Variants in LRP1B observed in about 807,000 individuals in gnomAD.
The protein encoded by LRP1B is low-density lipoprotein receptor-related protein 1B.
Under a neutral mutation model 556.6 loss-of-function variants are expected in LRP1B, and 217 were observed. The ratio of observed to expected loss-of-function variants is 0.39; its 90% confidence interval spans 0.35 to 0.44. The LOEUF is 0.44. LRP1B is among the 20% of genes least tolerant of loss of function. The probability of loss-of-function intolerance (pLI) is 1.00; values close to 1 mark genes in which losing one functional copy is unlikely to be tolerated. For missense variants in LRP1B, 5,053 were observed against 5,620.8 expected (o/e 0.90, Z 3.23); for synonymous variants, 2,047 against 1,865.8 (o/e 1.10, Z -2.50).
chr2:140,329,414 G>GAAAT (rs1181302813), intron 79 of LRP1B, among the ~76,000 whole-genome samples: 1 of 152,040 alleles, frequency 6.6e-6, no homozygotes, highest in African/African-American at 2.4e-5. Flanking sequence ...GCAAGAGAAA[G>GAAAT]AAATAAAGTG....
rs559668084 is a variant in LRP1B at position 141,306,535 on chromosome 2, C to T, written c.344-51894G>A. Among the ~76,000 whole-genome samples, 4 of 152,136 alleles carry T rather than the reference C, an allele frequency of 2.6e-5. No homozygotes were observed. The South Asian group carries it at 8.3e-4, about 32-fold the overall frequency. On this transcript the variant is annotated intron_variant, in intron 3 of 90. Transcript: ENST00000389484. ...GTCTTCCCTCTTTTTCTTCATTAGA[C>T]TAGTTAGCAGTTTATCAATTTTGCT...
At position 141,144,180 on chromosome 2, in the gene LRP1B, C is replaced by T. The variant is rs180723698; in HGVS notation, c.1013+44241G>A. ...GAGAAAAGAAAGAAAGAAATTCAAC[C>T]TTACCTTAGAGTTAATAGTATTTTA... On this transcript the variant is annotated intron_variant, in intron 7 of 90. Transcript: ENST00000389484. Among the ~76,000 whole-genome samples the T allele has an allele frequency of 7.2e-4, 109 of 152,234 alleles. 1 individual carries two copies. The highest frequency in any genetic ancestry group is 1.2e-3 in the Non-Finnish European group (81 of 68,026).
At chr2:141,791,000 A>G (rs56280101) in intron 2 of LRP1B, among the ~76,000 whole-genome samples, 26,111 of 151,882 alleles carry the variant, frequency 0.17, 2,526 homozygotes, top group African/African-American at 0.24. Flanking sequence ...AATTTTCTGA[A>G]CCCCATCTTT....
At chr2:141,839,411 T>A (rs1697392510) in intron 1 of LRP1B, among the ~76,000 whole-genome samples, 1 of 152,236 alleles carries the variant, frequency 6.6e-6, no homozygotes. Flanking sequence ...ATATTTTAAA[T>A]GCTACCCAAA....
chr2:140,751,956 G>A (rs952572035), intron 35 of LRP1B, among the ~76,000 whole-genome samples: 5 of 152,178 alleles, frequency 3.3e-5, no homozygotes, highest in African/African-American at 1.2e-4. Flanking sequence ...AACAGGTGGA[G>A]AGCTTTATTA....
intron 7 of LRP1B, among the ~76,000 whole-genome samples, chr2:141,121,486 A>G (rs1701046823): frequency 6.6e-6 from 1 of 152,032 alleles, no homozygotes; most frequent in Admixed American, 6.6e-5. Flanking sequence ...TCATGAGTGA[A>G]CTCCCATTCA....
At chr2:141,576,334 C>T (rs1353410318) in intron 2 of LRP1B, among the ~76,000 whole-genome samples, 1 of 152,120 alleles carries the variant, frequency 6.6e-6, no homozygotes, top group Non-Finnish European at 1.5e-5. Context: ...ATAAGTAACA[C>T]ATAAGTTTCT....
At chr2:141,754,872 A>T (rs1024283739) in intron 2 of LRP1B, among the ~76,000 whole-genome samples, 1 of 152,158 alleles carries the variant, frequency 6.6e-6, no homozygotes, top group Non-Finnish European at 1.5e-5. Flanking sequence ...GAGGTGTTTG[A>T]TTCCAATTTT....
At chr2:141,593,361 A>G (rs925082043) in intron 2 of LRP1B, among the ~76,000 whole-genome samples, 6 of 152,228 alleles carry the variant, frequency 3.9e-5, no homozygotes, top group Non-Finnish European at 7.3e-5. Context: ...TGTTGTTAGC[A>G]AGAAATGTGT....
At chr2:141,388,263 C>A (rs1438105701) in intron 3 of LRP1B, among the ~76,000 whole-genome samples, 1 of 151,982 alleles carries the variant, frequency 6.6e-6, no homozygotes, top group Non-Finnish European at 1.5e-5. Flanking sequence ...AGATGAAACC[C>A]CACCTCTACT....
Position 141,296,991 on chromosome 2 carries a change from A to C in LRP1B, c.344-42350T>G, listed in dbSNP as rs182295051. Among the ~76,000 whole-genome samples the C allele has an allele frequency of 2.4e-3, 366 of 152,284 alleles. 1 individual carries two copies. The highest frequency in any genetic ancestry group is 5.0e-3 in the Admixed American group (76 of 15,276). ...TACGTTCCAGCATTAATTTCCTTAG[A>C]ATAATGGACTCCAGCTGCATCCATG... On this transcript the variant is annotated intron_variant, in intron 3 of 90. Transcript: ENST00000389484.
chr2:141,867,616 G>A (rs962618771), intron 1 of LRP1B, among the ~76,000 whole-genome samples: 3 of 152,030 alleles, frequency 2.0e-5, no homozygotes, highest in South Asian at 2.1e-4. Flanking sequence ...TTTTATCAGC[G>A]TTATGCTTAC....
At chr2:141,822,130 C>CACAGAGAGAGAGAGAG (rs374369026) in intron 1 of LRP1B, among the ~76,000 whole-genome samples, 18 of 95,900 alleles carry the variant, frequency 1.9e-4, no homozygotes, top group African/African-American at 7.6e-4. Context: ...CACACACACA[C>CACAGAGAGAGAGAGAG]AGAGAGAGAG....
chr2:141,869,231 A>C (rs1698506497), intron 1 of LRP1B, among the ~76,000 whole-genome samples: 1 of 152,074 alleles, frequency 6.6e-6, no homozygotes. Context: ...GCTATTGAGC[A>C]GCTGAAATAT....
chr2:140,733,065 C>T (rs575049320), intron 35 of LRP1B, among the ~76,000 whole-genome samples: 2 of 152,108 alleles, frequency 1.3e-5, no homozygotes, highest in African/African-American at 4.8e-5. Flanking sequence ...GAGCTATAAG[C>T]CTCATAGATC....
chr2:141,216,655 G>T (rs971926653), intron 6 of LRP1B, among the ~76,000 whole-genome samples: 3 of 152,198 alleles, frequency 2.0e-5, no homozygotes, highest in Non-Finnish European at 4.4e-5. Context: ...AGGCAGAGCT[G>T]TGCAAGGCTT....
chr2:140,274,714 CA>C, intron 84 of LRP1B, 116 bp from the exon 85 acceptor site: 1 of 776,920 alleles, frequency 1.3e-6, no homozygotes, highest in Non-Finnish European at 2.0e-6. Flanking sequence ...GATTAATTTA[CA>C]AAAGCAGCTT....
chr2:141,750,787 C>T (rs546543474), intron 2 of LRP1B, among the ~76,000 whole-genome samples: 22 of 151,998 alleles, frequency 1.4e-4, no homozygotes, highest in African/African-American at 5.3e-4. Context: ...TATCTATATT[C>T]TTTATAGAAA....
intron 41 of LRP1B, among the ~76,000 whole-genome samples, chr2:140,637,576 T>A (rs994316055): frequency 6.6e-6 from 1 of 152,172 alleles, no homozygotes; most frequent in Admixed American, 6.5e-5. Flanking sequence ...GAGTTCAATT[T>A]TTTTTTTCCT....
Sources: gnomAD v4.1 joint callset for allele counts (sites outside exome capture counted in the v4.1 genomes callset) on GRCh38, gnomAD v4.1.1 for gene constraint, MANE v1.5 for transcripts, NCBI Gene and HGNC (gene_info 2026-07-23, HGNC 2026-07-21) for gene names.